The following CSF1R variants were observed in gnomAD, a reference collection of about 807,000 sequenced individuals.
CSF1R encodes macrophage colony-stimulating factor 1 receptor.
Under a neutral mutation model 110.0 loss-of-function variants are expected in CSF1R, and 40 were observed. That is an observed-to-expected ratio of 0.36 (90% CI 0.28 to 0.47). CSF1R has a LOEUF of 0.47. Among genes scored for constraint, CSF1R ranks in the 20% least tolerant of loss-of-function variants. The probability of loss-of-function intolerance (pLI) is 0.99; values close to 1 mark genes in which losing one functional copy is unlikely to be tolerated. For synonymous variants in CSF1R, 523 were observed against 503.4 expected (o/e 1.04, Z -0.52); for missense variants, 1,052 against 1,253.0 (o/e 0.84, Z 2.42).
chr5:150,098,440 G>A (rs966354359), intron 1 of CSF1R: 3 of 152,822 alleles, frequency 2.0e-5, no homozygotes, highest in African/African-American at 7.2e-5. Flanking sequence ...ACAACAAATT[G>A]ATCACAACCA....
intron 1 of CSF1R, among the ~76,000 whole-genome samples, chr5:150,101,008 C>A (rs143587422): frequency 6.6e-6 from 1 of 152,026 alleles, no homozygotes; most frequent in South Asian, 2.1e-4. Context: ...CATGAATGGT[C>A]CCAATTCTTC....
chr5:150,078,325 G>T (rs1758367435), intron 3 of CSF1R, 77 bp from the exon 4 acceptor site: 1 of 1,550,646 alleles, frequency 6.4e-7, no homozygotes, highest in Non-Finnish European at 8.7e-7. Flanking sequence ...CCCTGCCATG[G>T]GCCAGGACAC....
chr5:150,073,649 C>T (rs1758128078), intron 5 of CSF1R, among the ~76,000 whole-genome samples, 156 bp from the exon 6 acceptor site: 1 of 152,216 alleles, frequency 6.6e-6, no homozygotes, highest in South Asian at 2.1e-4. Flanking sequence ...CACCCCTCTT[C>T]TCACCACCCC....
At position 150,080,109 on chromosome 5, in the gene CSF1R, C is replaced by T. The variant is rs1362664764; in HGVS notation, c.535G>A (p.Ala179Thr). The T allele has an allele frequency of 6.2e-7, 1 of 1,614,200 alleles. No homozygotes were observed. Among genetic ancestry groups the T allele is most frequent in the Non-Finnish European group, 8.5e-7 (1 of 1,180,052 alleles). ...ATCACCTTCCTGCCACCCATCAGGG[C>T]ACTGCATTGATAGTCCTGGCTCTGA... Reference protein sequence around the residue: ...FIQSQDYQCSALMGGRKVMSI... With the variant: ...FIQSQDYQCSTLMGGRKVMSI... Residue 179 changes from alanine to threonine, a missense_variant, in exon 3 of 21, where the codon GCC becomes ACC. By Grantham distance (58) the Ala-to-Thr change is moderately conservative. Around this residue, in one of 5 missense-constraint regions of CSF1R, gnomAD observed 693 missense variants for 735.4 expected, o/e 0.94. Transcript: ENST00000675795.
intron 1 of CSF1R, 97 bp from the exon 2 acceptor site, chr5:150,081,121 T>C: frequency 7.1e-7 from 1 of 1,416,550 alleles, no homozygotes; most frequent in Non-Finnish European, 9.7e-7. Flanking sequence ...GCAGGGATGG[T>C]GCTGTGCCAT....
At chr5:150,059,368 C>T (rs1225913540) in intron 14 of CSF1R, among the ~76,000 whole-genome samples, 3 of 152,214 alleles carry the variant, frequency 2.0e-5, no homozygotes, top group Non-Finnish European at 4.4e-5. Flanking sequence ...CTTACTAGGG[C>T]TCCAGGCACA....
At chr5:150,111,458 C>T (rs982363967) in intron 1 of CSF1R, among the ~76,000 whole-genome samples, 1 of 152,208 alleles carries the variant, frequency 6.6e-6, no homozygotes, top group Non-Finnish European at 1.5e-5. Flanking sequence ...CCTGAGAGGC[C>T]CAAGCCCTCC....
intron 1 of CSF1R, among the ~76,000 whole-genome samples, chr5:150,082,906 G>T (rs1758613328): frequency 6.6e-6 from 1 of 152,140 alleles, no homozygotes; most frequent in Admixed American, 6.5e-5. Context: ...TGGATTCTGT[G>T]ATTCCATTTG....
rs754511062 is a variant in CSF1R at position 150,070,436 on chromosome 5, C to G, written c.1198+20G>C. On this transcript the variant is annotated intron_variant, in intron 7 of 20. Coordinates refer to ENST00000675795, the MANE Select transcript of CSF1R (RefSeq NM_001288705.3). ...GTCCCAGGGCCTCCGCCCCAGGTGGCGCTCGGCCCCAGCACTCACATCGAA... is the reference window on the plus strand; with the variant it reads ...GTCCCAGGGCCTCCGCCCCAGGTGGGGCTCGGCCCCAGCACTCACATCGAA... The G allele has an allele frequency of 1.9e-6, 3 of 1,549,072 alleles. No homozygotes were observed. The East Asian group carries it at 6.8e-5, about 35-fold the overall frequency.
At chr5:150,058,808 C>G (rs183572171) in intron 14 of CSF1R, among the ~76,000 whole-genome samples, 1 of 152,110 alleles carries the variant, frequency 6.6e-6, no homozygotes, top group Non-Finnish European at 1.5e-5. Flanking sequence ...TGTTCTGATC[C>G]TGTCCTGACC....
chr5:150,104,610 T>C (rs1456189372), intron 1 of CSF1R, among the ~76,000 whole-genome samples: 3 of 152,150 alleles, frequency 2.0e-5, no homozygotes, highest in Non-Finnish European at 4.4e-5. Flanking sequence ...ACTCTAGAGG[T>C]AGGTGTGGTT....
chr5:150,074,980 G>A (rs762209328), intron 5 of CSF1R, among the ~76,000 whole-genome samples: 1 of 152,018 alleles, frequency 6.6e-6, no homozygotes, highest in Admixed American at 6.6e-5. Flanking sequence ...CATTATAGAG[G>A]CCCCTTTATC....
chr5:150,094,798 G>A (rs978402381), intron 1 of CSF1R: 8 of 1,478,130 alleles, frequency 5.4e-6, no homozygotes, highest in East Asian at 4.5e-5. Context: ...AATAAGAAGC[G>A]AATTGCTTTG....
At chr5:150,065,395 C>A (rs146400897) in intron 10 of CSF1R, among the ~76,000 whole-genome samples, 2 of 152,214 alleles carry the variant, frequency 1.3e-5, no homozygotes, top group Non-Finnish European at 2.9e-5. Flanking sequence ...TTTCCCTGTG[C>A]GCCTCCTCCT....
At position 150,061,714 on chromosome 5, in the gene CSF1R, C is replaced by T. The variant is rs1042780147; in HGVS notation, c.1753+9G>A. 6.1e-5 allele frequency: 99 copies of T among 1,614,100 alleles called. No individual in the cohort carries two copies. Among genetic ancestry groups the T allele is most frequent in the Non-Finnish European group, 7.3e-5 (86 of 1,180,056 alleles). On this transcript the variant is annotated intron_variant, in intron 11 of 20. Transcript: ENST00000675795. ...TAGGAAGCTGTGGAGTGATGAGCTGCCATCTCACCAAACTGCAGGTTGTTC... is the reference window on the plus strand; with the variant it reads ...TAGGAAGCTGTGGAGTGATGAGCTGTCATCTCACCAAACTGCAGGTTGTTC...
intron 10 of CSF1R, among the ~76,000 whole-genome samples, chr5:150,065,754 G>A (rs1343646788): frequency 6.6e-6 from 1 of 152,174 alleles, no homozygotes; most frequent in Non-Finnish European, 1.5e-5. Context: ...AAGTCTTCTC[G>A]CAGCCTTGCA....
intron 1 of CSF1R, among the ~76,000 whole-genome samples, chr5:150,084,386 A>AGAAG (rs1758719548): frequency 2.2e-5 from 1 of 45,432 alleles, no homozygotes; most frequent in Non-Finnish European, 4.2e-5. Flanking sequence ...AAAGAAAGAA[A>AGAAG]GAAAGAAGGA....
intron 1 of CSF1R, among the ~76,000 whole-genome samples, chr5:150,109,087 G>C (rs1249612010): frequency 8.1e-6 from 1 of 123,966 alleles, no homozygotes; most frequent in Non-Finnish European, 1.7e-5. Flanking sequence ...AGAAATTCCA[G>C]GAGCCACATT....
At chr5:150,112,147 G>A (rs1263173411) in intron 1 of CSF1R, among the ~76,000 whole-genome samples, 1 of 152,190 alleles carries the variant, frequency 6.6e-6, no homozygotes, top group African/African-American at 2.4e-5. Flanking sequence ...CCCACACAGG[G>A]AAGCACTGAT....
Sources: allele counts gnomAD v4.1 joint callset (sites outside exome capture counted in the v4.1 genomes callset), GRCh38; gene constraint gnomAD v4.1.1; regional missense constraint gnomAD v4.1.1; transcripts MANE v1.5; gene names NCBI Gene and HGNC (gene_info 2026-07-23, HGNC 2026-07-21).